Variants in WDR37 observed in about 807,000 individuals in gnomAD.
WDR37 encodes WD repeat domain 37.
WDR37 carries 19 observed loss-of-function variants against 62.9 expected under a neutral mutation model. The observed-to-expected ratio is 0.30, with a 90% CI of 0.21 to 0.44. The LOEUF (loss-of-function observed/expected upper bound fraction) is 0.44, where lower values mean the gene tolerates loss of function less well. Among genes scored for constraint, WDR37 ranks in the 20% least tolerant of loss-of-function variants. The probability of loss-of-function intolerance (pLI) is 1.00; values close to 1 mark genes in which losing one functional copy is unlikely to be tolerated. For missense variants in WDR37, 474 were observed against 657.6 expected (o/e 0.72, Z 3.05); for synonymous variants, 250 against 260.9 (o/e 0.96, Z 0.40).
At chr10:1,126,151 A>G (rs1225037061) in intron 13 of WDR37, among the ~76,000 whole-genome samples, 1 of 152,134 alleles carries the variant, frequency 6.6e-6, no homozygotes, top group Admixed American at 6.5e-5. Flanking sequence ...GACGCCTGTA[A>G]TCGTAGCACT....
intron 1 of WDR37, among the ~76,000 whole-genome samples, chr10:1,058,127 C>T (rs1833257556): frequency 1.3e-5 from 1 of 74,900 alleles, no homozygotes; most frequent in Non-Finnish European, 3.3e-5. Context: ...TCTGTTATCC[C>T]CTGGGTTTAG....
In WDR37 at chr10:1,078,003, TGTGA is replaced by T; in HGVS notation, c.235+3_235+6del. Reference sequence around the variant, plus strand: ...AAACCTTTATATCGAAAACTTAGAATGTGAGTATCTCCTATTTTAATATACTTTT... The same window carrying T: ...AAACCTTTATATCGAAAACTTAGAATGTATCTCCTATTTTAATATACTTTT... On this transcript the variant is annotated splice_donor_variant and splice_donor_region_variant and intron_variant, in intron 3 of 13. Coordinates refer to ENST00000263150, the MANE Select transcript of WDR37 (RefSeq NM_014023.4). LOFTEE classifies it high-confidence loss of function. 1 of 1,594,878 alleles carries T rather than the reference TGTGA, an allele frequency of 6.3e-7. No individual in the cohort carries two copies. Among genetic ancestry groups the T allele is most frequent in the Non-Finnish European group, 8.6e-7 (1 of 1,165,422 alleles).
At chr10:1,083,308 T>C (rs1834089472) in intron 5 of WDR37, among the ~76,000 whole-genome samples, 4 of 152,256 alleles carry the variant, frequency 2.6e-5, no homozygotes, top group South Asian at 4.1e-4. Flanking sequence ...TTCCTGTTAC[T>C]GGTGAAAATG....
intron 1 of WDR37, among the ~76,000 whole-genome samples, chr10:1,069,184 T>G (rs1833644084): frequency 6.6e-6 from 1 of 151,874 alleles, no homozygotes. Flanking sequence ...TTTAAATAGG[T>G]GTCTTACATG....
At chr10:1,120,139 ATGCT>A (rs1204125243) in intron 11 of WDR37, among the ~76,000 whole-genome samples, 1 of 152,200 alleles carries the variant, frequency 6.6e-6, no homozygotes, top group Non-Finnish European at 1.5e-5. Flanking sequence ...CGTCAAATGA[ATGCT>A]TGTGTGAGTT....
Position 1,056,660 on chromosome 10 carries a change from G to A in WDR37, c.-349G>A, listed in dbSNP as rs1278040585. On this transcript the variant is annotated 5_prime_UTR_variant, in exon 1 of 14. Transcript: ENST00000263150. Reference sequence around the variant, plus strand: ...GGGGCGTTGGCCCAGCAGCCGAAGGGGTCTTCAGCGCGCCCAGACCCCTCG... The same window carrying A: ...GGGGCGTTGGCCCAGCAGCCGAAGGAGTCTTCAGCGCGCCCAGACCCCTCG... The A allele has an allele frequency of 1.3e-5, 2 of 152,238 alleles. No homozygotes were observed. The highest frequency in any genetic ancestry group is 2.9e-5 in the Non-Finnish European group (2 of 68,048). The allele number at this position is 152,238 out of a possible 1,614,324, so 9.4% of individuals were successfully genotyped here.
chr10:1,109,967 C>A (rs1263809898), intron 11 of WDR37, among the ~76,000 whole-genome samples: 2 of 152,164 alleles, frequency 1.3e-5, no homozygotes, highest in Non-Finnish European at 2.9e-5. Flanking sequence ...GTCTTCCAGG[C>A]TGTAGGCTGT....
At chr10:1,108,984 C>T (rs534995771) in intron 11 of WDR37, among the ~76,000 whole-genome samples, 1 of 152,316 alleles carries the variant, frequency 6.6e-6, no homozygotes, top group Non-Finnish European at 1.5e-5. Context: ...CCCTGCTGTG[C>T]CTGTCCCCTT....
Position 1,077,958 on chromosome 10 carries a change from C to G in WDR37, c.190C>G (p.Gln64Glu). Residue 64 changes from glutamine to glutamate, a missense_variant, in exon 3 of 14, where the codon CAA (glutamine) becomes GAA (glutamate). Coordinates refer to ENST00000263150, the MANE Select transcript of WDR37 (RefSeq NM_014023.4). The part of the protein sequence containing the change: ...VRSTLLELFG[Q>E]IEREFENLYI... ...CAGTACACTTCTGGAACTGTTTGGT[C>G]AAATAGAAAGAGAATTTGAAAACCT... 1 of 1,611,430 alleles carries G rather than the reference C, an allele frequency of 6.2e-7. No homozygotes were observed. Among genetic ancestry groups the G allele is most frequent in the Non-Finnish European group, 8.5e-7 (1 of 1,178,678 alleles).
chr10:1,076,843 C>T (rs1193677177), intron 2 of WDR37, among the ~76,000 whole-genome samples: 4 of 150,236 alleles, frequency 2.7e-5, no homozygotes, highest in Non-Finnish European at 5.9e-5. Flanking sequence ...GAGATTGACA[C>T]CATCCTGGCC....
chr10:1,069,389 A>ATATATATATATATAT, intron 1 of WDR37, among the ~76,000 whole-genome samples: 2 of 95,780 alleles, frequency 2.1e-5, no homozygotes, highest in African/African-American at 4.7e-5. Flanking sequence ...ATATATATAT[A>ATATATATATATATAT]TTTTTTTTTT....
At chr10:1,072,397 C>G (rs1833757240) in intron 2 of WDR37, 104 bp downstream of exon 2, 1 of 1,461,260 alleles carries the variant, frequency 6.8e-7, no homozygotes, top group Non-Finnish European at 9.3e-7. Flanking sequence ...CGCTCACAAC[C>G]TCCACCTCCT....
intron 1 of WDR37, among the ~76,000 whole-genome samples, chr10:1,064,017 G>A (rs536627024): frequency 6.6e-6 from 1 of 152,160 alleles, no homozygotes; most frequent in Non-Finnish European, 1.5e-5. Context: ...AGAATTATTT[G>A]ACAAGGACCT....
intron 13 of WDR37, among the ~76,000 whole-genome samples, chr10:1,126,334 A>G (rs890492440): frequency 3.4e-5 from 5 of 148,984 alleles, no homozygotes; most frequent in Admixed American, 2.7e-4. Flanking sequence ...TGAACCCAGG[A>G]GGCGGAGCTT....
intron 8 of WDR37, among the ~76,000 whole-genome samples, chr10:1,095,603 C>T (rs746329448): frequency 1.3e-5 from 2 of 152,156 alleles, no homozygotes; most frequent in African/African-American, 2.4e-5. Context: ...GAGAGGTGGC[C>T]ATGCTGGTGT....
rs200815182 is a variant in WDR37, at chr10:1,103,750, G to A, written c.875G>A (p.Gly292Glu). 3 of 1,614,224 alleles carry A rather than the reference G, an allele frequency of 1.9e-6. No individual in the cohort carries two copies. The highest frequency in any genetic ancestry group is 1.1e-5 in the South Asian group (1 of 91,084). ...GVVIASDWLV[G>E]GKQAVTASWD... Reference sequence around the variant, plus strand: ...GTCATCGCCTCCGACTGGCTGGTTGGGGGGAAGCAGGCTGTGACTGCCTCC... The same window carrying A: ...GTCATCGCCTCCGACTGGCTGGTTGAGGGGAAGCAGGCTGTGACTGCCTCC... The change falls in exon 10 of 14, where the codon GGG becomes GAG. Residue 292 changes from glycine to glutamate, a missense_variant. Gly to Glu is a moderately conservative substitution (Grantham distance 98). Transcript: ENST00000263150. This position sits in a 1 kb window ranked among gnomAD's most constrained non-coding sequence, Gnocchi z 6.3.
intron 1 of WDR37, among the ~76,000 whole-genome samples, chr10:1,068,882 T>C (rs751686491): frequency 6.6e-6 from 1 of 152,262 alleles, no homozygotes. Flanking sequence ...ACCACTATGC[T>C]ACAACATAGA....
At position 1,129,691 on chromosome 10, in the gene WDR37, TGC is replaced by T; in HGVS notation, c.*349_*350del. On this transcript the variant is annotated 3_prime_UTR_variant, in exon 14 of 14. Transcript: ENST00000263150. ...TTAAATGTGAACTTCTGTATTACGT[TGC>T]GGCGTCGGCAGTCCTGCGTTCCCTG... The T allele has an allele frequency of 1.1e-5, 2 of 183,056 alleles. No individual in the cohort carries two copies. Among genetic ancestry groups the T allele is most frequent in the South Asian group, 1.1e-4 (1 of 9,014 alleles). 11.3% of individuals were successfully genotyped at this position (183,056 alleles called of 1,614,324 possible).
intron 1 of WDR37, among the ~76,000 whole-genome samples, chr10:1,065,591 A>T (rs1432321051): frequency 6.6e-6 from 1 of 152,126 alleles, no homozygotes; most frequent in African/African-American, 2.4e-5. Flanking sequence ...AGTAGGTAAA[A>T]AAAAAAAGCT....
Sources: gnomAD v4.1 joint callset for allele counts (sites outside exome capture counted in the v4.1 genomes callset) on GRCh38, gnomAD v4.1.1 for gene constraint, Gnocchi (gnomAD v3.1) non-coding constraint, MANE v1.5 for transcripts, NCBI Gene and HGNC (gene_info 2026-07-23, HGNC 2026-07-21) for gene names.